The following CCDC159 variants were observed in gnomAD, a reference collection of about 807,000 sequenced individuals.
CCDC159 encodes coiled-coil domain containing 159, also known as coiled-coil domain-containing protein 159.
In CCDC159, 40 loss-of-function variants were observed where a neutral mutation model predicts 50.9. The observed-to-expected ratio is 0.79, with a 90% CI of 0.61 to 1.02. The LOEUF (loss-of-function observed/expected upper bound fraction) is 1.02. CCDC159 is among the 50% of genes least tolerant of loss of function. CCDC159 has a pLI of 0.00. For synonymous variants in CCDC159, 146 were observed against 138.9 expected (o/e 1.05, Z -0.36); for missense variants, 356 against 371.5 (o/e 0.96, Z 0.34).
In CCDC159 at chr19:11,348,267, G is replaced by C. The variant is rs548313942; in HGVS notation, c.22-1387G>C. 656 of 403,620 alleles carry C rather than the reference G, an allele frequency of 1.6e-3. 12 individuals are homozygous for C. The highest frequency in any genetic ancestry group is 7.3e-3 in the Middle Eastern group (13 of 1,790). The allele number at this position is 403,620 out of a possible 1,614,324, so 25.0% of individuals were successfully genotyped here. A position where few individuals can be genotyped will look rare whatever the true frequency, so the allele number is the denominator to read the frequency against. On this transcript the variant is annotated intron_variant, in intron 1 of 10. Transcript: ENST00000458408. ...TTCTCACTGCCCAGCCCAAACCTTG[G>C]GGCTGGGATAATCTTTTTTGTTGTT...
Position 11,353,470 on chromosome 19 carries a change from A to C in CCDC159, c.587A>C (p.Gln196Pro), listed in dbSNP as rs1280009020. 10 of 1,588,054 alleles carry C rather than the reference A, an allele frequency of 6.3e-6. No homozygotes were observed. The highest frequency in any genetic ancestry group is 7.7e-6 in the Non-Finnish European group (9 of 1,167,584). ...CCCCAGATCCTGACCAAGATGAAGC[A>C]GCAGGGTCATGAGACAGCCGCCTGT... ...KCRKILTKMK[Q>P]QGHETAACPE... is the part of the protein sequence containing the mutation. Residue 196 changes from glutamine (Q) to proline (P), a missense_variant, in exon 8 of 11, where the codon CAG (glutamine) becomes CCG (proline). Transcript: ENST00000458408.
intron 1 of CCDC159, chr19:11,348,050 T>C: frequency 2.2e-5 from 10 of 448,318 alleles, no homozygotes; most frequent in South Asian, 1.6e-4. Flanking sequence ...GCTAACCTCC[T>C]GCTGCTTCCT....
Position 11,347,250 on chromosome 19 carries a change from C to T in CCDC159, c.21+623C>T, listed in dbSNP as rs144461366. On this transcript the variant is annotated intron_variant, in intron 1 of 10. Coordinates refer to ENST00000458408, the MANE Select transcript of CCDC159 (RefSeq NM_001080503.3). ...CAGTGAATGCTTAGGGGATGCCCGG[C>T]ACTCAATTAGGTGCTCAGAAAATAG... 1.2e-3 allele frequency among the ~76,000 whole-genome samples: 188 copies of T among 152,152 alleles called. 1 individual carries two copies. Among genetic ancestry groups the T allele is most frequent in the African/African-American group, 4.1e-3 (171 of 41,510 alleles).
At chr19:11,353,172 C>G (rs755111701) in intron 7 of CCDC159, among the ~76,000 whole-genome samples, 1 of 152,116 alleles carries the variant, frequency 6.6e-6, no homozygotes, top group Admixed American at 6.6e-5. Context: ...GCGATCTCAA[C>G]TCACTGCAAC....
At position 11,352,053 on chromosome 19, in the gene CCDC159, A is replaced by C. The variant is rs751601957; in HGVS notation, c.491-4A>C. The C allele has an allele frequency of 1.2e-6, 2 of 1,613,582 alleles. No homozygotes were observed. The highest frequency in any genetic ancestry group is 2.2e-5 in the South Asian group (2 of 91,054). ...TTGTCCGCCTGAGCCCCCTCCCTCCACAGAAGCGCAGGAGGATGAGATCTC... is the reference window on the plus strand; with the variant it reads ...TTGTCCGCCTGAGCCCCCTCCCTCCCCAGAAGCGCAGGAGGATGAGATCTC... On this transcript the variant is annotated splice_polypyrimidine_tract_variant and splice_region_variant and intron_variant, in intron 6 of 10. Coordinates refer to ENST00000458408, the MANE Select transcript of CCDC159 (RefSeq NM_001080503.3).
At position 11,350,917 on chromosome 19, in the gene CCDC159, G is replaced by A. The variant is rs1483548213; in HGVS notation, c.336G>A (p.Leu112=). The part of the protein sequence containing the change: ...YGALTQGLQG[L]EKTLRDSEEM... ...CCCTGACCCAAGGCCTTCAGGGGCT[G>A]GAGAAGACCCTGCGTGACAGTGAGG... The change falls in exon 5 of 11, where the codon CTG becomes CTA. Residue 112 remains leucine, a synonymous_variant. Coordinates refer to ENST00000458408, the MANE Select transcript of CCDC159 (RefSeq NM_001080503.3). The A allele has an allele frequency of 7.1e-6, 11 of 1,553,390 alleles. No homozygotes were observed. The South Asian group carries it at 1.1e-4, about 15-fold the overall frequency.
chr19:11,350,918 G>C lies in CCDC159; in HGVS notation c.337G>C (p.Glu113Gln). ...CCTGACCCAAGGCCTTCAGGGGCTG[G>C]AGAAGACCCTGCGTGACAGTGAGGA... is the stretch of plus-strand genomic sequence containing the variant. ...GALTQGLQGLEKTLRDSEEMQ... is the reference protein window; with the variant it reads ...GALTQGLQGLQKTLRDSEEMQ... The change falls in exon 5 of 11, where the codon GAG becomes CAG. Residue 113 changes from glutamate to glutamine, a missense_variant. Glu to Gln is a conservative substitution (Grantham distance 29). Transcript: ENST00000458408. The C allele has an allele frequency of 6.4e-7, 1 of 1,553,526 alleles. No homozygotes were observed. Among genetic ancestry groups the C allele is most frequent in the Non-Finnish European group, 8.7e-7 (1 of 1,148,528 alleles).
At chr19:11,351,788 G>C in intron 5 of CCDC159, 118 bp from the exon 6 acceptor site, 1 of 806,106 alleles carries the variant, frequency 1.2e-6, no homozygotes, top group Admixed American at 2.2e-5. Context: ...GAGGGGAAAA[G>C]GGCAGGGAAG....
At chr19:11,346,793 A>G (rs1317641143) in intron 1 of CCDC159, among the ~76,000 whole-genome samples, 166 bp downstream of exon 1, 1 of 152,018 alleles carries the variant, frequency 6.6e-6, no homozygotes, top group African/African-American at 2.4e-5. Context: ...CTGGGGACCT[A>G]AGCTGGTTCT....
intron 5 of CCDC159, 48 bp downstream of exon 5, chr19:11,351,051 G>A (rs1487786460): frequency 6.8e-7 from 1 of 1,469,692 alleles, no homozygotes; most frequent in East Asian, 2.6e-5. Context: ...AGGGAAGGGA[G>A]ACCCAGAACT....
intron 5 of CCDC159, 166 bp downstream of exon 5, chr19:11,351,169 G>T: frequency 1.4e-6 from 1 of 703,978 alleles, no homozygotes; most frequent in South Asian, 2.0e-5. Flanking sequence ...GGGTGTGGTG[G>T]CTCATGCCTG....
Position 11,354,944 on chromosome 19 carries a change from A to G in CCDC159, c.*67A>G. The G allele has an allele frequency of 6.5e-7, 1 of 1,540,908 alleles. No individual in the cohort carries two copies. Among genetic ancestry groups the G allele is most frequent in the Non-Finnish European group, 9.0e-7 (1 of 1,113,874 alleles). ...AATAAACTAGCCCAGACCCTCCTCTAGCCCCGACTGTTAGTCTTGCTGCTT... is the reference window on the plus strand; with the variant it reads ...AATAAACTAGCCCAGACCCTCCTCTGGCCCCGACTGTTAGTCTTGCTGCTT... On this transcript the variant is annotated 3_prime_UTR_variant, in exon 11 of 11. Transcript: ENST00000458408.
chr19:11,349,387 G>T, intron 1 of CCDC159: 1 of 537,330 alleles, frequency 1.9e-6, no homozygotes. Flanking sequence ...ATGAAGGAAT[G>T]AATGGAAGGA....
At chr19:11,351,054 C>T in intron 5 of CCDC159, 51 bp downstream of exon 5, 2 of 1,462,740 alleles carry the variant, frequency 1.4e-6, no homozygotes, top group Non-Finnish European at 1.8e-6. Context: ...GAAGGGAGAC[C>T]CAGAACTGGG....
chr19:11,350,856 G>T lies in CCDC159; in HGVS notation c.275G>T (p.Trp92Leu), dbSNP rs779106159. Residue 92 changes from tryptophan (W) to leucine (L), a missense_variant, in exon 5 of 11, where the codon TGG (tryptophan) becomes TTG (leucine). Coordinates refer to ENST00000458408, the MANE Select transcript of CCDC159 (RefSeq NM_001080503.3). ...GRQGEKEEHKWGMEQGRQELY... is the reference protein window; with the variant it reads ...GRQGEKEEHKLGMEQGRQELY... ...CAGGGAGAGAAGGAGGAGCACAAGT[G>T]GGGCATGGAGCAGGGCCGGCAGGAG... is the stretch of plus-strand genomic sequence containing the variant. The T allele has an allele frequency of 4.5e-6, 7 of 1,551,538 alleles. No homozygotes were observed. Among genetic ancestry groups the T allele is most frequent in the Non-Finnish European group, 8.7e-7 (1 of 1,147,774 alleles).
At chr19:11,353,640 G>A in intron 8 of CCDC159, 68 bp downstream of exon 8, 1 of 1,600,596 alleles carries the variant, frequency 6.2e-7, no homozygotes, top group Non-Finnish European at 8.5e-7. Context: ...GGATCTGGCA[G>A]TGACCACCAG....
Position 11,346,647 on chromosome 19 carries a change from C to T in CCDC159, c.21+20C>T, listed in dbSNP as rs1967246985. 6.4e-7 allele frequency: 1 copy of T among 1,551,182 alleles called. No individual in the cohort carries two copies. The highest frequency in any genetic ancestry group is 8.7e-7 in the Non-Finnish European group (1 of 1,146,842). On this transcript the variant is annotated intron_variant, in intron 1 of 10. Transcript: ENST00000458408. ...CAGGTGGTATGTGGTAGGTGGGGTT[C>T]TGGAGCCTGGCGGGTGTAGATTTCA...
intron 5 of CCDC159, 192 bp from the exon 6 acceptor site, chr19:11,351,714 G>C: frequency 3.5e-6 from 2 of 565,956 alleles, no homozygotes; most frequent in Non-Finnish European, 6.3e-6. Context: ...GAGAGACTGA[G>C]AGAATGGGAG....
intron 7 of CCDC159, chr19:11,352,448 A>C (rs1392355035): frequency 6.2e-6 from 2 of 322,562 alleles, no homozygotes; most frequent in Admixed American, 9.2e-5. Context: ...TATACTAAAA[A>C]TACAAAAATT....
Sources: gnomAD v4.1 joint callset for allele counts (sites outside exome capture counted in the v4.1 genomes callset) on GRCh38, gnomAD v4.1.1 for gene constraint, MANE v1.5 for transcripts, NCBI Gene and HGNC (gene_info 2026-07-23, HGNC 2026-07-21) for gene names.